Variants in AFF3 observed in about 807,000 individuals in gnomAD.
The protein encoded by AFF3 is AF4/FMR2 family member 3.
AFF3 carries 32 observed loss-of-function variants against 129.7 expected under a neutral mutation model. That is an observed-to-expected ratio of 0.25 (90% CI 0.19 to 0.33). The LOEUF is 0.33. Among genes scored for constraint, AFF3 ranks in the 10% least tolerant of loss-of-function variants. AFF3 has a pLI of 1.00. For synonymous variants in AFF3, 644 were observed against 635.4 expected, an observed-to-expected ratio of 1.01 and a Z score of -0.20; for missense variants, 1,373 against 1,592.0, an observed-to-expected ratio of 0.86 and a Z score of 2.34.
chr2:99,964,410 C>T (rs571993164), intron 7 of AFF3, among the ~76,000 whole-genome samples: 1 of 152,148 alleles, frequency 6.6e-6, no homozygotes, highest in South Asian at 2.1e-4. Flanking sequence ...AGAGCATGTT[C>T]TCTAGATCAT....
chr2:99,762,661 G>T (rs1480075743), intron 8 of AFF3, among the ~76,000 whole-genome samples: 1 of 152,204 alleles, frequency 6.6e-6, no homozygotes, highest in Admixed American at 6.5e-5. Context: ...ATGGTAGCAA[G>T]AAATTACACT....
At chr2:99,963,314 C>T (rs1677412027) in intron 7 of AFF3, among the ~76,000 whole-genome samples, 1 of 152,102 alleles carries the variant, frequency 6.6e-6, no homozygotes, top group African/African-American at 2.4e-5. Flanking sequence ...AGAAAAGATA[C>T]ACAGAACCAA....
chr2:99,640,199 A>G lies in AFF3; in HGVS notation c.1184+9427T>C, dbSNP rs568400917. 3.9e-5 allele frequency among the ~76,000 whole-genome samples: 6 copies of G among 152,276 alleles called. No homozygotes were observed. In the South Asian group the frequency reaches 1.0e-3, roughly 26 times the overall value. On this transcript the variant is annotated intron_variant, in intron 13 of 24. Transcript: ENST00000672756. ...GATTTGTTGATACTTGTTTTTCTAT[A>G]ATATCAATGTAAAAACATGCCCCAT...
chr2:100,071,905 A>G (rs1383303394), intron 4 of AFF3, among the ~76,000 whole-genome samples: 5 of 152,208 alleles, frequency 3.3e-5, no homozygotes, highest in African/African-American at 2.4e-5. Flanking sequence ...CAGGTAGTAC[A>G]GCCTGTAAAC....
At chr2:100,038,984 A>G (rs574030023) in intron 4 of AFF3, among the ~76,000 whole-genome samples, 41 of 152,254 alleles carry the variant, frequency 2.7e-4, no homozygotes, top group African/African-American at 8.2e-4. Context: ...TTGGCCTCCC[A>G]AAGTGCTGAG....
chr2:99,576,389 A>G (rs1676997840), intron 18 of AFF3, among the ~76,000 whole-genome samples: 1 of 151,666 alleles, frequency 6.6e-6, no homozygotes, highest in African/African-American at 2.4e-5. Flanking sequence ...GGTAGCATGC[A>G]TCTGTAGACC....
At chr2:99,583,957 C>G (rs1313659281) in intron 16 of AFF3, among the ~76,000 whole-genome samples, 1 of 151,852 alleles carries the variant, frequency 6.6e-6, no homozygotes, top group African/African-American at 2.4e-5. Flanking sequence ...CCTGCCTCGG[C>G]CTCCCAAAGT....
At chr2:99,849,563 A>C (rs985377139) in intron 7 of AFF3, among the ~76,000 whole-genome samples, 1 of 152,206 alleles carries the variant, frequency 6.6e-6, no homozygotes, top group African/African-American at 2.4e-5. Flanking sequence ...ACGAAATGTG[A>C]GGGCTAAAAA....
intron 7 of AFF3, among the ~76,000 whole-genome samples, chr2:100,001,116 C>T (rs932265294): frequency 6.6e-6 from 1 of 152,128 alleles, no homozygotes; most frequent in Non-Finnish European, 1.5e-5. Flanking sequence ...AGACGCATTC[C>T]GGGGGAGAAA....
chr2:100,014,776 T>C (rs1198534669), intron 4 of AFF3, among the ~76,000 whole-genome samples: 3 of 147,510 alleles, frequency 2.0e-5, no homozygotes, highest in Non-Finnish European at 4.5e-5. Flanking sequence ...CCATACCACC[T>C]TGCTTCCTTT....
Position 99,791,097 on chromosome 2 carries a change from C to A in AFF3, c.922-38796G>T, listed in dbSNP as rs142075673. Among the ~76,000 whole-genome samples the A allele has an allele frequency of 2.5e-4, 38 of 152,266 alleles. 1 individual carries two copies. The highest frequency in any genetic ancestry group is 1.7e-3 in the South Asian group (8 of 4,824). The stretch of plus-strand genomic sequence containing the variant: ...AGGTGATGTTCTAGAACTGGCCATG[C>A]CGAACTAGGCTATACAGACCACAGG... On this transcript the variant is annotated intron_variant, in intron 8 of 24. Coordinates refer to ENST00000672756, the MANE Select transcript of AFF3 (RefSeq NM_001386135.1).
In AFF3 at chr2:99,866,988, TAATAATAATAATAAAA is replaced by T. The variant is rs1387800562; in HGVS notation, c.874-29480_874-29465del. On this transcript the variant is annotated intron_variant, in intron 7 of 24. Transcript: ENST00000672756. ...ATAATAATAATAATAATAATAATAATAATAATAATAATAAAAAATAAATAAAATAAAAATAAAAAAT... is the reference window on the plus strand; with the variant it reads ...ATAATAATAATAATAATAATAATAATAATAAATAAAATAAAAATAAAAAAT... 1.1e-3 allele frequency among the ~76,000 whole-genome samples: 122 copies of T among 106,684 alleles called. 1 individual carries two copies. Among genetic ancestry groups the T allele is most frequent in the Middle Eastern group, 5.3e-3 (1 of 190 alleles). 70.0% of individuals were successfully genotyped at this position (106,684 alleles called of 152,430 possible).
At chr2:99,701,337 C>T (rs1191819633) in intron 11 of AFF3, among the ~76,000 whole-genome samples, 1 of 152,148 alleles carries the variant, frequency 6.6e-6, no homozygotes, top group African/African-American at 2.4e-5. Flanking sequence ...TTCGGTACCT[C>T]ATGACTTCCT....
intron 7 of AFF3, among the ~76,000 whole-genome samples, chr2:99,934,669 C>G (rs546665260): frequency 6.6e-6 from 1 of 152,208 alleles, no homozygotes; most frequent in Non-Finnish European, 1.5e-5. Context: ...ACCCTGCCCC[C>G]TCAGAAGCCA....
chr2:99,779,243 G>A (rs967413667), intron 8 of AFF3, among the ~76,000 whole-genome samples: 1 of 152,082 alleles, frequency 6.6e-6, no homozygotes, highest in Non-Finnish European at 1.5e-5. Context: ...ATGGATGGTT[G>A]TTGGGATTTT....
At chr2:100,120,697 A>C (rs1197000615) in intron 2 of AFF3, among the ~76,000 whole-genome samples, 1 of 152,108 alleles carries the variant, frequency 6.6e-6, no homozygotes, top group Non-Finnish European at 1.5e-5. Context: ...GCCTAGCTCC[A>C]TCACCCAGGC....
intron 7 of AFF3, among the ~76,000 whole-genome samples, chr2:99,980,110 T>C (rs1679266081): frequency 6.6e-6 from 1 of 152,220 alleles, no homozygotes; most frequent in Non-Finnish European, 1.5e-5. Context: ...TGTCATAGCA[T>C]GTTATTCAAC....
At chr2:100,011,388 A>G in intron 4 of AFF3, 1 of 760,418 alleles carries the variant, frequency 1.3e-6, no homozygotes, top group Non-Finnish European at 2.4e-6. Flanking sequence ...AACCAGACAC[A>G]CAAGACTGGT....
chr2:99,736,018 T>C (rs546184769), intron 10 of AFF3, among the ~76,000 whole-genome samples: 1 of 152,364 alleles, frequency 6.6e-6, no homozygotes, highest in East Asian at 1.9e-4. Flanking sequence ...ATATAATATT[T>C]ATCTTTTAAA....
Sources: allele counts gnomAD v4.1 joint callset (sites outside exome capture counted in the v4.1 genomes callset), GRCh38; gene constraint gnomAD v4.1.1; transcripts MANE v1.5; gene names NCBI Gene and HGNC (gene_info 2026-07-23, HGNC 2026-07-21).